RANBP3: variants seen among roughly 807,000 people sequenced by gnomAD.
RANBP3 encodes the protein RAN binding protein 3.
In RANBP3, 14 loss-of-function variants were observed where a neutral mutation model predicts 77.3. That is an observed-to-expected ratio of 0.18 (90% CI 0.12 to 0.28). RANBP3 has a LOEUF of 0.28. RANBP3 is among the 10% of genes least tolerant of loss of function. RANBP3 has a pLI of 1.00. For missense variants in RANBP3, 586 were observed against 752.3 expected (o/e 0.78, Z 2.59); for synonymous variants, 315 against 312.4 (o/e 1.01, Z -0.09).
chr19:5,947,649 G>C (rs554838077), intron 3 of RANBP3, among the ~76,000 whole-genome samples: 1 of 152,232 alleles, frequency 6.6e-6, no homozygotes, highest in African/African-American at 2.4e-5. Context: ...GAACAGAGCA[G>C]GCTCAGAAAA....
intron 1 of RANBP3, among the ~76,000 whole-genome samples, chr19:5,974,008 T>C (rs1182736529): frequency 6.6e-6 from 1 of 152,118 alleles, no homozygotes; most frequent in South Asian, 2.1e-4. Context: ...GTCTCTCACC[T>C]GGGGGCGATT....
At chr19:5,949,351 G>A (rs1359595699) in intron 3 of RANBP3, among the ~76,000 whole-genome samples, 2 of 152,194 alleles carry the variant, frequency 1.3e-5, no homozygotes, top group Non-Finnish European at 2.9e-5. Context: ...ACTTTGCTCT[G>A]AGCAGGCCCG....
At chr19:5,929,496 C>T (rs2057959028) in intron 8 of RANBP3, among the ~76,000 whole-genome samples, 1 of 152,260 alleles carries the variant, frequency 6.6e-6, no homozygotes, top group African/African-American at 2.4e-5. Flanking sequence ...CAGGGTATGT[C>T]TATGACCTGG....
At chr19:5,936,965 A>AGAATCTCTT (rs888075485) in intron 5 of RANBP3, among the ~76,000 whole-genome samples, 2 of 143,404 alleles carry the variant, frequency 1.4e-5, no homozygotes, top group Admixed American at 1.5e-4. Context: ...CTGAGGCTTG[A>AGAATCTCTT]GAATCTCTTG....
At chr19:5,972,761 C>T (rs370491430) in intron 1 of RANBP3, among the ~76,000 whole-genome samples, 2 of 152,288 alleles carry the variant, frequency 1.3e-5, no homozygotes, top group African/African-American at 4.8e-5. Context: ...CCCTTCTCCA[C>T]CCCAAGCTCC....
At chr19:5,961,454 C>T (rs1218918196) in intron 1 of RANBP3, among the ~76,000 whole-genome samples, 3 of 151,756 alleles carry the variant, frequency 2.0e-5, no homozygotes, top group South Asian at 4.2e-4. Context: ...CAGTGTCGGC[C>T]GGGCACAGTG....
intron 1 of RANBP3, among the ~76,000 whole-genome samples, chr19:5,965,284 T>C (rs2058453756): frequency 6.6e-6 from 1 of 152,102 alleles, no homozygotes; most frequent in African/African-American, 2.4e-5. Flanking sequence ...ACAGCATCTT[T>C]ATCTAGGGAA....
chr19:5,931,879 A>G (rs1269632849), intron 7 of RANBP3, among the ~76,000 whole-genome samples: 1 of 151,806 alleles, frequency 6.6e-6, no homozygotes, highest in Non-Finnish European at 1.5e-5. Flanking sequence ...AAATAAGATA[A>G]AACAAACTGG....
At chr19:5,963,134 G>A (rs1010088024) in intron 1 of RANBP3, among the ~76,000 whole-genome samples, 8 of 152,198 alleles carry the variant, frequency 5.3e-5, no homozygotes, top group African/African-American at 9.7e-5. Flanking sequence ...CCCAGAATCT[G>A]TCAACCAAGT....
At chr19:5,974,837 G>A (rs972647272) in intron 1 of RANBP3, among the ~76,000 whole-genome samples, 8 of 152,122 alleles carry the variant, frequency 5.3e-5, no homozygotes, top group South Asian at 4.1e-4. Context: ...GAGCATCTGC[G>A]GTTTCAGGAA....
Position 5,917,291 on chromosome 19 carries a change from G to C in RANBP3, c.*319C>G, listed in dbSNP as rs1042051697. ...CTGGACCCAGAGGCTGGCGACACGC[G>C]GGGTGAAGGAACGAGGTCTCCAGTC... On this transcript the variant is annotated 3_prime_UTR_variant, in exon 17 of 17. Transcript: ENST00000340578. The C allele has an allele frequency of 4.8e-6, 2 of 418,642 alleles. No individual in the cohort carries two copies. Among genetic ancestry groups the C allele is most frequent in the East Asian group, 9.7e-5 (2 of 20,648 alleles). 25.9% of individuals were successfully genotyped at this position (418,642 alleles called of 1,614,324 possible).
At chr19:5,933,302 C>T (rs1177969712) in intron 6 of RANBP3, 112 bp downstream of exon 6, 3 of 862,844 alleles carry the variant, frequency 3.5e-6, no homozygotes, top group Non-Finnish European at 5.3e-6. Flanking sequence ...GGTCAAGTTA[C>T]AAGTGATCTT....
intron 16 of RANBP3, 29 bp downstream of exon 16, chr19:5,917,765 C>T (rs758024396): frequency 7.5e-6 from 12 of 1,591,278 alleles, no homozygotes; most frequent in Middle Eastern, 3.3e-4. Flanking sequence ...TCTTTCTATC[C>T]CCCCCAGGGT....
At chr19:5,929,489 G>A (rs141955618) in intron 8 of RANBP3, among the ~76,000 whole-genome samples, 86 of 152,360 alleles carry the variant, frequency 5.6e-4, no homozygotes, top group African/African-American at 2.0e-3. Context: ...CTGACTACAG[G>A]GTATGTCTAT....
At chr19:5,917,753 G>T (rs1176999639) in intron 16 of RANBP3, 41 bp downstream of exon 16, 46 of 1,587,120 alleles carry the variant, frequency 2.9e-5, no homozygotes, top group Non-Finnish European at 3.9e-5. Flanking sequence ...ATGGCGGGCA[G>T]CTCTTTCTAT....
intron 7 of RANBP3, among the ~76,000 whole-genome samples, 197 bp from the exon 8 acceptor site, chr19:5,931,728 GAAAC>G: frequency 6.6e-6 from 1 of 152,270 alleles, no homozygotes; most frequent in South Asian, 2.1e-4. Flanking sequence ...AAAAACAAGA[GAAAC>G]AAACAAAAAA....
intron 12 of RANBP3, among the ~76,000 whole-genome samples, chr19:5,923,603 C>T (rs1275078478): frequency 1.3e-5 from 2 of 152,230 alleles, no homozygotes; most frequent in Admixed American, 1.3e-4. Flanking sequence ...CCCCACCCTC[C>T]CCACGGCCAC....
At chr19:5,923,064 T>A in intron 13 of RANBP3, 130 bp downstream of exon 13, 3 of 702,534 alleles carry the variant, frequency 4.3e-6, no homozygotes, top group South Asian at 1.8e-5. Context: ...TCCCAGAGCG[T>A]GGGGCCAGTG....
At chr19:5,943,747 T>C (rs2058168324) in intron 3 of RANBP3, among the ~76,000 whole-genome samples, 4 of 152,204 alleles carry the variant, frequency 2.6e-5, no homozygotes. Context: ...GAGGGCTGAT[T>C]ATCACTATCC....
Sources: allele counts gnomAD v4.1 joint callset (sites outside exome capture counted in the v4.1 genomes callset), GRCh38; gene constraint gnomAD v4.1.1; transcripts MANE v1.5; gene names NCBI Gene and HGNC (gene_info 2026-07-23, HGNC 2026-07-21).